The following PCDHGA2 variants were observed in gnomAD, a reference collection of about 807,000 sequenced individuals.
PCDHGA2 encodes protocadherin gamma subfamily A, 2, also known as protocadherin gamma-A2.
Under a neutral mutation model 59.2 loss-of-function variants are expected in PCDHGA2, and 40 were observed. The observed-to-expected ratio is 0.68, with a 90% CI of 0.52 to 0.88. The LOEUF is 0.88. PCDHGA2 is among the 40% of genes least tolerant of loss of function. The probability of loss-of-function intolerance (pLI) is 0.00; values close to 1 mark genes in which losing one functional copy is unlikely to be tolerated. For synonymous variants in PCDHGA2, 560 were observed against 526.0 expected (o/e 1.06, Z -0.89); for missense variants, 1,226 against 1,204.0 (o/e 1.02, Z -0.27).
chr5:141,415,739 G>A, intron 1 of PCDHGA2: 4 of 434,948 alleles, frequency 9.2e-6, no homozygotes, highest in Non-Finnish European at 1.3e-5. Context: ...TGTTTATTAA[G>A]GTTTTTTTTT....
chr5:141,372,704 A>G lies in PCDHGA2; in HGVS notation c.2424+31309A>G, dbSNP rs1768986926. The G allele has an allele frequency of 5.6e-6, 9 of 1,613,992 alleles. 1 individual carries two copies. The South Asian group carries it at 8.8e-5, about 16-fold the overall frequency. ...ACACCGAGTTTAAATTTCTCAATAT[A>G]AAGGCTGAAAATGCTGCACCACAAG... is the stretch of plus-strand genomic sequence containing the variant. On this transcript the variant is annotated intron_variant, in intron 1 of 3. Coordinates refer to ENST00000394576, the MANE Select transcript of PCDHGA2 (RefSeq NM_018915.4).
At chr5:141,427,692 C>A in intron 1 of PCDHGA2, 1 of 903,150 alleles carries the variant, frequency 1.1e-6, no homozygotes, top group Non-Finnish European at 1.8e-6. Context: ...AGCCTCCATC[C>A]CACAAGTCAG....
At chr5:141,492,026 G>T in intron 1 of PCDHGA2, 1 of 567,198 alleles carries the variant, frequency 1.8e-6, no homozygotes, top group Non-Finnish European at 3.0e-6. Flanking sequence ...GGGGTCCCGG[G>T]AGGAGGCAGT....
In PCDHGA2 at chr5:141,398,847, G is replaced by A. The variant is rs773663002; in HGVS notation, c.2424+57452G>A. On this transcript the variant is annotated intron_variant, in intron 1 of 3. Coordinates refer to ENST00000394576, the MANE Select transcript of PCDHGA2 (RefSeq NM_018915.4). Reference sequence around the variant, plus strand: ...TAACCGACGCCAATGATAATCCCCCGGTATTCAACCGAGACGTGTACAGAG... The same window carrying A: ...TAACCGACGCCAATGATAATCCCCCAGTATTCAACCGAGACGTGTACAGAG... The A allele has an allele frequency of 2.5e-6, 4 of 1,613,758 alleles. No homozygotes were observed. In the African/African-American group the frequency reaches 5.3e-5, roughly 22 times the overall value.
rs61612330 is a variant in PCDHGA2, at chr5:141,454,796, A to ATTTTTTTTTTTTTTT, written c.2425-39996_2425-39982dup. 1.0e-3 allele frequency among the ~76,000 whole-genome samples: 80 copies of ATTTTTTTTTTTTTTT among 77,456 alleles called. 10 individuals are homozygous for ATTTTTTTTTTTTTTT. The highest frequency in any genetic ancestry group is 2.0e-3 in the East Asian group (5 of 2,512). The allele number at this position is 77,456 out of a possible 152,430, so 50.8% of individuals were successfully genotyped here. A position where few individuals can be genotyped will look rare whatever the true frequency, so the allele number is the denominator to read the frequency against. On this transcript the variant is annotated intron_variant, in intron 1 of 3. Transcript: ENST00000394576. ...AAGGAAATAATCCTCCATGGTTCTA[A>ATTTTTTTTTTTTTTT]TTTTTTTTTTTTTTTTTTTTTTTTT...
chr5:141,474,626 G>A (rs1006911535), intron 1 of PCDHGA2, among the ~76,000 whole-genome samples: 5 of 152,288 alleles, frequency 3.3e-5, no homozygotes, highest in African/African-American at 9.6e-5. Flanking sequence ...CATCTCTTCC[G>A]GAAATATCCT....
rs755169934 is a variant in PCDHGA2 at position 141,384,350 on chromosome 5, A to T, written c.2424+42955A>T. On this transcript the variant is annotated intron_variant, in intron 1 of 3. Coordinates refer to ENST00000394576, the MANE Select transcript of PCDHGA2 (RefSeq NM_018915.4). Reference sequence around the variant, plus strand: ...GCACAGGACCACGACAGTGAGGATAATGCCCAGATCACTTATTCCTTGGCC... The same window carrying T: ...GCACAGGACCACGACAGTGAGGATATTGCCCAGATCACTTATTCCTTGGCC... The T allele has an allele frequency of 1.9e-6, 3 of 1,613,690 alleles. No homozygotes were observed. In the African/African-American group the frequency reaches 4.0e-5, roughly 22 times the overall value.
intron 1 of PCDHGA2, chr5:141,423,755 G>A (rs1236551808): frequency 2.5e-5 from 13 of 512,416 alleles, no homozygotes; most frequent in Non-Finnish European, 3.4e-5. Context: ...CTGTTTGGGG[G>A]GGGGGTGGGG....
chr5:141,421,578 T>G, intron 1 of PCDHGA2: 1 of 1,613,886 alleles, frequency 6.2e-7, no homozygotes, highest in Non-Finnish European at 8.5e-7. Flanking sequence ...CCTTGAAGAT[T>G]TACGGAGTGG....
intron 1 of PCDHGA2, chr5:141,422,726 T>C: frequency 5.6e-6 from 9 of 1,605,994 alleles, no homozygotes; most frequent in African/African-American, 4.0e-5. Flanking sequence ...GTCCAGGGGG[T>C]GCCTCTGTCC....
intron 1 of PCDHGA2, chr5:141,382,981 G>A (rs781148657): frequency 6.2e-7 from 1 of 1,612,324 alleles, no homozygotes; most frequent in Non-Finnish European, 8.5e-7. Flanking sequence ...GGAAGCCTGG[G>A]CAGGACGTAT....
At position 141,486,484 on chromosome 5, in the gene PCDHGA2, C is replaced by G. The variant is rs200150307; in HGVS notation, c.2425-8323C>G. ...ATGCTGGGAACCCTCCTCTCAGTAC[C>G]CACAGAACTATTTTCCTCAATATTT... On this transcript the variant is annotated intron_variant, in intron 1 of 3. Transcript: ENST00000394576. The surrounding 1 kb of genome is among the most constrained non-coding windows in gnomAD (Gnocchi z 5.0). The G allele has an allele frequency of 2.8e-5, 45 of 1,614,102 alleles. No homozygotes were observed. In the Admixed American group the frequency reaches 5.5e-4, roughly 20 times the overall value.
chr5:141,459,171 A>G (rs2098962477), intron 1 of PCDHGA2, among the ~76,000 whole-genome samples: 1 of 152,180 alleles, frequency 6.6e-6, no homozygotes, highest in Non-Finnish European at 1.5e-5. Flanking sequence ...ATAACCTTCA[A>G]AAGTTCCCTC....
intron 1 of PCDHGA2, among the ~76,000 whole-genome samples, chr5:141,446,698 G>C (rs750413432): frequency 1.3e-5 from 2 of 152,070 alleles, no homozygotes; most frequent in African/African-American, 4.8e-5. Flanking sequence ...GGCTGGTCTC[G>C]AACTCTGATC....
chr5:141,371,918 C>A (rs1055994137), intron 1 of PCDHGA2: 4 of 1,613,254 alleles, frequency 2.5e-6, no homozygotes, highest in East Asian at 2.2e-5. Flanking sequence ...TGTCCGTGAG[C>A]GCGCGGAGCG....
chr5:141,357,409 G>A, intron 1 of PCDHGA2: 4 of 1,614,250 alleles, frequency 2.5e-6, no homozygotes, highest in Non-Finnish European at 2.5e-6. Flanking sequence ...AGGTGTGCCT[G>A]CCTCGCACTT....
In PCDHGA2 at chr5:141,511,032, G is replaced by C. The variant is rs779589499; in HGVS notation, c.2658G>C (p.Gln886His). Residue 886 changes from glutamine to histidine, a missense_variant, in exon 4 of 4, where the codon CAG (glutamine) becomes CAC (histidine). Gln to His is a conservative substitution (Grantham distance 24). Coordinates refer to ENST00000394576, the MANE Select transcript of PCDHGA2 (RefSeq NM_018915.4). ...SARYGPQFTL[Q>H]HVPDYRQNVY... ...GCTACGGACCCCAGTTCACCCTGCA[G>C]CACGTGCCCGACTACCGCCAGAATG... 6.2e-7 allele frequency: 1 copy of C among 1,614,228 alleles called. No individual in the cohort carries two copies. The highest frequency in any genetic ancestry group is 8.5e-7 in the Non-Finnish European group (1 of 1,180,036).
At chr5:141,413,606 T>C (rs756987695) in intron 1 of PCDHGA2, 1 of 1,613,848 alleles carries the variant, frequency 6.2e-7, no homozygotes, top group Admixed American at 1.7e-5. Context: ...AATCTAGACG[T>C]AAAAATTAAT....
chr5:141,399,991 G>A (rs1226741326), intron 1 of PCDHGA2: 1 of 1,612,422 alleles, frequency 6.2e-7, no homozygotes. Context: ...CACAGGAGAG[G>A]TGCGCACAGC....
Sources: gnomAD v4.1 joint callset for allele counts (sites outside exome capture counted in the v4.1 genomes callset) on GRCh38, gnomAD v4.1.1 for gene constraint, Gnocchi (gnomAD v3.1) non-coding constraint, MANE v1.5 for transcripts, NCBI Gene and HGNC (gene_info 2026-07-23, HGNC 2026-07-21) for gene names.